Variants in NTM observed in about 807,000 individuals in gnomAD.
NTM encodes the protein neurotrimin.
Under a neutral mutation model 42.1 loss-of-function variants are expected in NTM, and 13 were observed. The observed-to-expected ratio is 0.31, with a 90% CI of 0.20 to 0.49. The LOEUF is 0.49. Ranked by LOEUF, NTM falls within the 20% of genes least tolerant of loss-of-function variation. NTM has a pLI of 0.99. For missense variants in NTM, 373 were observed against 452.8 expected, an observed-to-expected ratio of 0.82 and a Z score of 1.60; for synonymous variants, 187 against 179.2, an observed-to-expected ratio of 1.04 and a Z score of -0.35.
At chr11:132,118,797 A>G (rs1156741546) in intron 2 of NTM, among the ~76,000 whole-genome samples, 1 of 152,184 alleles carries the variant, frequency 6.6e-6, no homozygotes, top group Non-Finnish European at 1.5e-5. Flanking sequence ...TTTCAATGAA[A>G]ATTAACATGT....
At chr11:132,094,461 G>A (rs2060726015) in intron 2 of NTM, among the ~76,000 whole-genome samples, 3 of 152,130 alleles carry the variant, frequency 2.0e-5, no homozygotes, top group South Asian at 2.1e-4. Context: ...GGCTACTCGG[G>A]TGTCTCTCTC....
chr11:132,156,323 C>T (rs756159577), intron 3 of NTM, among the ~76,000 whole-genome samples: 83 of 152,294 alleles, frequency 5.4e-4, no homozygotes, highest in African/African-American at 1.8e-3. Flanking sequence ...GCCCTTTGAA[C>T]GTTCCCTTCC....
At chr11:131,919,431 T>C (rs1275979754) in intron 2 of NTM, among the ~76,000 whole-genome samples, 2 of 152,114 alleles carry the variant, frequency 1.3e-5, no homozygotes. Flanking sequence ...ATGTGTGAGC[T>C]GAAGGGAGAA....
chr11:131,425,102 G>T (rs1289839781), intron 1 of NTM, among the ~76,000 whole-genome samples: 3 of 150,394 alleles, frequency 2.0e-5, no homozygotes, highest in African/African-American at 7.3e-5. Context: ...GGCTGGTTTT[G>T]AACATCTGGC....
chr11:131,593,303 C>T (rs1207779493), intron 1 of NTM, among the ~76,000 whole-genome samples: 2 of 152,170 alleles, frequency 1.3e-5, no homozygotes, highest in East Asian at 3.9e-4. Context: ...GGGAGAATTG[C>T]CTTCCCTGCT....
chr11:131,404,053 T>A (rs1160375979), intron 1 of NTM, among the ~76,000 whole-genome samples: 2 of 152,150 alleles, frequency 1.3e-5, no homozygotes, highest in African/African-American at 4.8e-5. Context: ...ATATTTAAAA[T>A]GGCAACTGCA....
chr11:131,570,257 G>A (rs368577868), intron 1 of NTM, among the ~76,000 whole-genome samples: 1 of 152,286 alleles, frequency 6.6e-6, no homozygotes. Context: ...AAGGCCCCCA[G>A]GAAGTTCTGA....
intron 1 of NTM, among the ~76,000 whole-genome samples, chr11:131,587,634 T>A (rs957122951): frequency 2.0e-4 from 30 of 152,232 alleles, no homozygotes; most frequent in Non-Finnish European, 2.8e-4. Flanking sequence ...ATATATTTTT[T>A]AATTTTATCC....
intron 1 of NTM, among the ~76,000 whole-genome samples, chr11:131,845,045 C>T (rs1027194194): frequency 6.6e-6 from 1 of 152,076 alleles, no homozygotes; most frequent in African/African-American, 2.4e-5. Flanking sequence ...AAAGTGATTG[C>T]CTCTAATATT....
In NTM at chr11:131,590,657, G is replaced by A. The variant is rs966363694; in HGVS notation, c.82+219769G>A. ...ATTCCTTCTTTGAATGCTTGCTCAC[G>A]GCCAGACACTGTGTAAGGGCTTTAG... On this transcript the variant is annotated intron_variant, in intron 1 of 8. Transcript: ENST00000683400. Among the ~76,000 whole-genome samples the A allele has an allele frequency of 3.9e-5, 6 of 152,112 alleles. No homozygotes were observed. The East Asian group carries it at 5.8e-4, about 15-fold the overall frequency.
intron 3 of NTM, among the ~76,000 whole-genome samples, chr11:132,209,839 TGCAGCACAGATAA>T (rs2082560113): frequency 6.6e-6 from 1 of 152,162 alleles, no homozygotes; most frequent in African/African-American, 2.4e-5. Flanking sequence ...GATAGCTCAG[TGCAGCACAGATAA>T]GTACAGCACA....
At chr11:131,514,377 A>G (rs533636519) in intron 1 of NTM, among the ~76,000 whole-genome samples, 65 of 152,316 alleles carry the variant, frequency 4.3e-4, no homozygotes, top group African/African-American at 1.5e-3. Flanking sequence ...GACATTAGGT[A>G]TTATTAATAT....
At chr11:131,872,796 A>G (rs2047923570) in intron 1 of NTM, among the ~76,000 whole-genome samples, 1 of 152,204 alleles carries the variant, frequency 6.6e-6, no homozygotes, top group African/African-American at 2.4e-5. Flanking sequence ...CCAGATTTAT[A>G]GGGGACAATG....
chr11:132,162,886 A>G (rs2074626090), intron 3 of NTM, among the ~76,000 whole-genome samples: 1 of 151,920 alleles, frequency 6.6e-6, no homozygotes. Flanking sequence ...CTATCTGTCT[A>G]TGAGTGATAG....
chr11:132,054,025 G>C (rs2135948383), intron 2 of NTM, among the ~76,000 whole-genome samples: 1 of 152,290 alleles, frequency 6.6e-6, no homozygotes, highest in East Asian at 1.9e-4. Context: ...AGACCAGCCT[G>C]ATCAACGTGG....
chr11:131,449,016 G>T (rs555553919), intron 1 of NTM, among the ~76,000 whole-genome samples: 4 of 152,316 alleles, frequency 2.6e-5, no homozygotes, highest in Admixed American at 6.5e-5. Flanking sequence ...CATTCAAAGA[G>T]CAGGGGCAAA....
At position 131,655,172 on chromosome 11, in the gene NTM, G is replaced by A. The variant is rs1823598876; in HGVS notation, c.83-256392G>A. Among the ~76,000 whole-genome samples, 5 of 152,186 alleles carry A rather than the reference G, an allele frequency of 3.3e-5. No homozygotes were observed. The South Asian group carries it at 1.0e-3, about 31-fold the overall frequency. On this transcript the variant is annotated intron_variant, in intron 1 of 8. Coordinates refer to ENST00000683400, the MANE Select transcript of NTM (RefSeq NM_001352005.2). ...TTCTCAAGGATTCTGAGGTGATGGG[G>A]TTGGGATACGACTTGAGTATGCGGG...
chr11:131,964,957 T>C (rs2062640640), intron 2 of NTM, among the ~76,000 whole-genome samples: 1 of 152,136 alleles, frequency 6.6e-6, no homozygotes, highest in South Asian at 2.1e-4. Flanking sequence ...CAATAAAACT[T>C]ACCCTGGCTG....
intron 4 of NTM, among the ~76,000 whole-genome samples, chr11:132,280,817 A>T (rs73597262): frequency 0.014 from 1,944 of 136,886 alleles, 44 homozygotes; most frequent in African/African-American, 0.052. Flanking sequence ...AATTGTAGGG[A>T]TAGCTTTCAT....
Sources: allele counts gnomAD v4.1 joint callset (sites outside exome capture counted in the v4.1 genomes callset), GRCh38; gene constraint gnomAD v4.1.1; transcripts MANE v1.5; gene names NCBI Gene and HGNC (gene_info 2026-07-23, HGNC 2026-07-21).